The following NAV2 variants were observed in gnomAD, a reference collection of about 807,000 sequenced individuals.
NAV2 encodes the protein helicase, APC down-regulated 1.
A neutral mutation model predicts 223.2 loss-of-function variants in NAV2; 54 were observed. The observed-to-expected ratio is 0.24, with a 90% confidence interval of 0.19 to 0.30. The LOEUF is 0.30. Among genes scored for constraint, NAV2 ranks in the 10% least tolerant of loss-of-function variants. NAV2 has a pLI of 1.00. For synonymous variants in NAV2, 1,279 were observed against 1,239.3 expected, an observed-to-expected ratio of 1.03 and a Z score of -0.67; for missense variants, 2,806 against 3,147.5, an observed-to-expected ratio of 0.89 and a Z score of 2.60.
intron 1 of NAV2, among the ~76,000 whole-genome samples, chr11:19,707,396 TA>T (rs879418798): frequency 2.6e-5 from 4 of 152,370 alleles, no homozygotes; most frequent in South Asian, 2.1e-4. Flanking sequence ...TTCTATTAGT[TA>T]TTTTTTTAAC....
chr11:19,371,385 C>T (rs186998965), intron 1 of NAV2, among the ~76,000 whole-genome samples: 2 of 152,248 alleles, frequency 1.3e-5, no homozygotes, highest in African/African-American at 4.8e-5. Context: ...TCTAGTTTAA[C>T]CCTCCCTCAT....
chr11:19,697,219 T>G (rs1385026026), intron 1 of NAV2, among the ~76,000 whole-genome samples: 1 of 152,194 alleles, frequency 6.6e-6, no homozygotes, highest in African/African-American at 2.4e-5. Context: ...AAGAGGGAGC[T>G]AAGCACTGAA....
At chr11:19,434,828 G>C (rs1851155981) in intron 1 of NAV2, among the ~76,000 whole-genome samples, 1 of 146,566 alleles carries the variant, frequency 6.8e-6, no homozygotes, top group African/African-American at 2.5e-5. Flanking sequence ...AGAAGCACAG[G>C]AAAGAAGCAA....
At chr11:19,478,290 T>G (rs1006641208) in intron 1 of NAV2, among the ~76,000 whole-genome samples, 1 of 151,550 alleles carries the variant, frequency 6.6e-6, no homozygotes, top group Non-Finnish European at 1.5e-5. Context: ...ATCAGCAAAG[T>G]GAAGGGGAGT....
rs748445088 is a variant in NAV2, at chr11:19,880,031, C to T, written c.674C>T (p.Pro225Leu). 2.7e-5 allele frequency: 43 copies of T among 1,613,644 alleles called. No homozygotes were observed. The highest frequency in any genetic ancestry group is 3.4e-5 in the Non-Finnish European group (40 of 1,179,844). ...CCCTCCCAGTGCCAGGCTGGCACCC[C>T]TCAGCAGCAGGTGCCAGTCACTCCC... ...GAPSQCQAGT[P>L]QQQVPVTPQA... Residue 225 changes from proline to leucine, a missense_variant, in exon 5 of 38, where the codon CCT becomes CTT. Around this residue, in one of 4 missense-constraint regions of NAV2, gnomAD observed 1,167 missense variants for 1,180.5 expected, o/e 0.99. Coordinates refer to ENST00000349880, the MANE Select transcript of NAV2 (RefSeq NM_145117.5).
chr11:19,788,623 C>T (rs746521961), intron 1 of NAV2, among the ~76,000 whole-genome samples: 1 of 152,230 alleles, frequency 6.6e-6, no homozygotes, highest in Non-Finnish European at 1.5e-5. Context: ...TGTCACTGTA[C>T]CTGTCTGCTG....
chr11:19,464,721 C>T (rs12271178), intron 1 of NAV2, among the ~76,000 whole-genome samples: 32,100 of 152,136 alleles, frequency 0.21, 3,448 homozygotes, highest in Admixed American at 0.26. Context: ...TGTTAACATG[C>T]CTTGTTCAAA....
At chr11:20,005,253 A>ATATT (rs1277010848) in intron 11 of NAV2, among the ~76,000 whole-genome samples, 8 of 134,554 alleles carry the variant, frequency 5.9e-5, no homozygotes, top group African/African-American at 2.2e-4. Flanking sequence ...ATATATATAT[A>ATATT]TTTTTTTTTT....
intron 9 of NAV2, 37 bp downstream of exon 9, chr11:19,946,546 G>T: frequency 6.5e-7 from 1 of 1,548,264 alleles, no homozygotes; most frequent in Non-Finnish European, 8.8e-7. Flanking sequence ...GAACTACCTG[G>T]TATCCTAATT....
chr11:19,863,749 A>G lies in NAV2; in HGVS notation c.439-5176A>G, dbSNP rs535822643. 2.0e-5 allele frequency among the ~76,000 whole-genome samples: 3 copies of G among 152,200 alleles called. No individual in the cohort carries two copies. In the East Asian group the frequency reaches 5.8e-4, roughly 29 times the overall value. On this transcript the variant is annotated intron_variant, in intron 3 of 37. Coordinates refer to ENST00000349880, the MANE Select transcript of NAV2 (RefSeq NM_145117.5). ...TAACCATAACAGCTTGTCATCATAT[A>G]CTTATTTGTGCTTTCTTTATTAAAT...
chr11:19,776,431 C>T (rs1408334113), intron 1 of NAV2, among the ~76,000 whole-genome samples: 1 of 152,172 alleles, frequency 6.6e-6, no homozygotes, highest in Non-Finnish European at 1.5e-5. Flanking sequence ...TCTGTCGCTG[C>T]CTGACCTCTC....
intron 7 of NAV2, among the ~76,000 whole-genome samples, chr11:19,938,132 G>C (rs1429070756): frequency 6.6e-6 from 1 of 152,214 alleles, no homozygotes; most frequent in Non-Finnish European, 1.5e-5. Context: ...GAGTTGGAAA[G>C]GCAGGAGATG....
intron 11 of NAV2, among the ~76,000 whole-genome samples, chr11:20,010,925 A>G (rs1477669358): frequency 6.6e-6 from 1 of 152,240 alleles, no homozygotes; most frequent in Non-Finnish European, 1.5e-5. Flanking sequence ...ACCTTTATGA[A>G]TAGTGACTGT....
intron 12 of NAV2, among the ~76,000 whole-genome samples, chr11:20,041,636 G>A (rs577025587): frequency 2.0e-5 from 3 of 152,312 alleles, no homozygotes; most frequent in Non-Finnish European, 2.9e-5. Flanking sequence ...TAAGCTCCAT[G>A]AGGTTAATGA....
At chr11:19,456,388 A>G (rs1310668783) in intron 1 of NAV2, among the ~76,000 whole-genome samples, 1 of 152,156 alleles carries the variant, frequency 6.6e-6, no homozygotes, top group Non-Finnish European at 1.5e-5. Context: ...TATTGTGTGG[A>G]ACAACCTTGC....
At chr11:19,773,704 T>C (rs1406001500) in intron 1 of NAV2, among the ~76,000 whole-genome samples, 1 of 152,022 alleles carries the variant, frequency 6.6e-6, no homozygotes, top group Non-Finnish European at 1.5e-5. Context: ...ATCTACAGGG[T>C]CCTGACACCT....
intron 1 of NAV2, among the ~76,000 whole-genome samples, chr11:19,440,089 G>A (rs1386277673): frequency 3.9e-5 from 6 of 152,214 alleles, no homozygotes; most frequent in Admixed American, 1.3e-4. Flanking sequence ...CCACTCAAAT[G>A]TTTAGTCGAT....
rs1371707927 is a variant in NAV2, at chr11:20,048,842, C to T, written c.4017C>T (p.Asp1339=). The T allele has an allele frequency of 6.2e-7, 1 of 1,614,090 alleles. No homozygotes were observed. The highest frequency in any genetic ancestry group is 2.2e-5 in the East Asian group (1 of 44,894). Residue 1339 remains aspartate, a synonymous_variant, in exon 15 of 38, where the codon GAC becomes GAT. Coordinates refer to ENST00000349880, the MANE Select transcript of NAV2 (RefSeq NM_145117.5). The part of the protein sequence containing the change: ...HATMTQQGNL[D]SPSGSGVLSS... ...CCATGACTCAGCAAGGTAACCTAGA[C>T]TCCCCGTCAGGCAGTGGCGTCCTGA...
intron 11 of NAV2, among the ~76,000 whole-genome samples, chr11:20,012,637 T>G (rs1009987472): frequency 3.5e-5 from 5 of 144,140 alleles, no homozygotes; most frequent in Non-Finnish European, 6.0e-5. Flanking sequence ...ATTGTGCCAC[T>G]GCACTCAAGC....
Sources: gnomAD v4.1 joint callset for allele counts (sites outside exome capture counted in the v4.1 genomes callset) on GRCh38, gnomAD v4.1.1 for gene constraint, gnomAD v4.1.1 regional missense constraint, MANE v1.5 for transcripts, NCBI Gene and HGNC (gene_info 2026-07-23, HGNC 2026-07-21) for gene names.